Variants in SNTG1 observed in about 807,000 individuals in gnomAD.
SNTG1 encodes gamma-1-syntrophin.
A neutral mutation model predicts 74.7 loss-of-function variants in SNTG1; 39 were observed. The observed-to-expected ratio is 0.52, with a 90% CI of 0.40 to 0.68. The LOEUF is 0.68. Among genes scored for constraint, SNTG1 ranks in the 30% least tolerant of loss-of-function variants. The pLI, the probability that SNTG1 is intolerant of heterozygous loss-of-function variation, is 0.00. For synonymous variants in SNTG1, 254 were observed against 217.1 expected, an observed-to-expected ratio of 1.17 and a Z score of -1.49; for missense variants, 685 against 609.5, an observed-to-expected ratio of 1.12 and a Z score of -1.30.
intron 1 of SNTG1, among the ~76,000 whole-genome samples, chr8:49,930,617 T>C (rs1158491704): frequency 6.6e-6 from 1 of 152,030 alleles, no homozygotes; most frequent in Admixed American, 6.6e-5. Flanking sequence ...ATGTTGGAAA[T>C]TTTCTATTTG....
At chr8:50,665,823 AAAG>A (rs1380428886) in intron 15 of SNTG1, among the ~76,000 whole-genome samples, 29 of 152,294 alleles carry the variant, frequency 1.9e-4, no homozygotes, top group African/African-American at 6.7e-4. Flanking sequence ...TCATAAAAAT[AAAG>A]AAGTGAAAAA....
At chr8:50,273,290 A>G (rs2087890964) in intron 2 of SNTG1, among the ~76,000 whole-genome samples, 1 of 152,136 alleles carries the variant, frequency 6.6e-6, no homozygotes, top group Non-Finnish European at 1.5e-5. Context: ...TTAATCCAAA[A>G]TGGTTCAAAA....
intron 15 of SNTG1, among the ~76,000 whole-genome samples, chr8:50,690,507 C>G (rs912480766): frequency 5.3e-5 from 8 of 151,982 alleles, no homozygotes; most frequent in Admixed American, 2.0e-4. Context: ...CATTATTTAC[C>G]CAGTAGTCAT....
intron 1 of SNTG1, among the ~76,000 whole-genome samples, chr8:49,938,597 C>CT (rs755805948): frequency 2.2e-4 from 7 of 32,512 alleles, no homozygotes; most frequent in South Asian, 1.9e-3. Context: ...CTTTTCTTTT[C>CT]TTTTCTTTTC....
intron 13 of SNTG1, among the ~76,000 whole-genome samples, chr8:50,653,483 T>C (rs1160825702): frequency 6.6e-6 from 1 of 152,218 alleles, no homozygotes; most frequent in African/African-American, 2.4e-5. Flanking sequence ...ATTTACCTGC[T>C]ATATAACTAA....
chr8:49,975,393 A>T (rs957168995), intron 1 of SNTG1, among the ~76,000 whole-genome samples: 1 of 152,286 alleles, frequency 6.6e-6, no homozygotes, highest in African/African-American at 2.4e-5. Flanking sequence ...TGGTGATATG[A>T]TACAAAGCTA....
At chr8:50,480,251 G>C (rs1017550689) in intron 8 of SNTG1, among the ~76,000 whole-genome samples, 1 of 139,110 alleles carries the variant, frequency 7.2e-6, no homozygotes, top group African/African-American at 2.5e-5. Context: ...ATTAGTGATG[G>C]GTATGGTCAT....
intron 18 of SNTG1, among the ~76,000 whole-genome samples, chr8:50,764,916 G>T (rs1007904532): frequency 6.6e-6 from 1 of 151,884 alleles, no homozygotes; most frequent in Non-Finnish European, 1.5e-5. Context: ...ATAAAATATG[G>T]TATATGTATA....
chr8:50,710,312 A>G (rs745781439), intron 17 of SNTG1, among the ~76,000 whole-genome samples: 1 of 152,194 alleles, frequency 6.6e-6, no homozygotes, highest in Non-Finnish European at 1.5e-5. Flanking sequence ...AGGCTGCCAT[A>G]AACTATTCCT....
chr8:50,389,896 C>T (rs568690519), intron 2 of SNTG1, among the ~76,000 whole-genome samples: 4 of 152,224 alleles, frequency 2.6e-5, no homozygotes, highest in Non-Finnish European at 5.9e-5. Flanking sequence ...TGAGAAGCAT[C>T]TGTTCATATC....
At chr8:50,193,190 A>C (rs956952968) in intron 2 of SNTG1, among the ~76,000 whole-genome samples, 5 of 148,298 alleles carry the variant, frequency 3.4e-5, no homozygotes, top group African/African-American at 1.2e-4. Context: ...GTGTAGAATG[A>C]TGGTGGTATT....
chr8:50,001,360 G>T (rs1008139682), intron 1 of SNTG1, among the ~76,000 whole-genome samples: 1 of 152,094 alleles, frequency 6.6e-6, no homozygotes, highest in African/African-American at 2.4e-5. Flanking sequence ...GTTTTCTCAG[G>T]ACAGCACTTT....
At chr8:50,640,308 A>G (rs2095064545) in intron 13 of SNTG1, among the ~76,000 whole-genome samples, 1 of 152,218 alleles carries the variant, frequency 6.6e-6, no homozygotes, top group South Asian at 2.1e-4. Flanking sequence ...TGAAAGACTT[A>G]TAATAACAAG....
chr8:50,236,450 A>AAT (rs371187425), intron 2 of SNTG1, among the ~76,000 whole-genome samples: 31 of 138,670 alleles, frequency 2.2e-4, no homozygotes, highest in Middle Eastern at 4.0e-3. Flanking sequence ...TTAATTGTAA[A>AAT]TTTTTTTTTT....
intron 2 of SNTG1, among the ~76,000 whole-genome samples, chr8:50,207,943 AT>A (rs2084325370): frequency 6.6e-6 from 1 of 152,126 alleles, no homozygotes; most frequent in Non-Finnish European, 1.5e-5. Context: ...GTTTGTTATA[AT>A]TTCTGTTCTT....
At chr8:50,548,550 G>A (rs980223542) in intron 11 of SNTG1, among the ~76,000 whole-genome samples, 3 of 152,168 alleles carry the variant, frequency 2.0e-5, no homozygotes, top group Admixed American at 6.6e-5. Context: ...ACAGATTAAA[G>A]ATTCCGAGCA....
chr8:50,622,572 A>T (rs925489712), intron 13 of SNTG1, among the ~76,000 whole-genome samples: 1 of 152,138 alleles, frequency 6.6e-6, no homozygotes, highest in African/African-American at 2.4e-5. Flanking sequence ...TTGTAAATTA[A>T]CCATAATCAA....
At chr8:50,791,865 A>G (rs2095691552) in intron 18 of SNTG1, among the ~76,000 whole-genome samples, 1 of 151,808 alleles carries the variant, frequency 6.6e-6, no homozygotes, top group South Asian at 2.1e-4. Flanking sequence ...TAATAATAAT[A>G]CTAGCAACAT....
chr8:50,345,657 A>G (rs1435544272), intron 2 of SNTG1, among the ~76,000 whole-genome samples: 1 of 152,266 alleles, frequency 6.6e-6, no homozygotes, highest in African/African-American at 2.4e-5. Context: ...TAATTGATTT[A>G]TCAAGATCAA....
Sources: allele counts gnomAD v4.1 joint callset (sites outside exome capture counted in the v4.1 genomes callset), GRCh38; gene constraint gnomAD v4.1.1; transcripts MANE v1.5; gene names NCBI Gene and HGNC (gene_info 2026-07-23, HGNC 2026-07-21).